The following RCOR1 variants were observed in gnomAD, a reference collection of about 807,000 sequenced individuals.
The protein encoded by RCOR1 is REST corepressor.
In RCOR1, 12 loss-of-function variants were observed where a neutral mutation model predicts 64.0. The observed-to-expected ratio is 0.19, with a 90% confidence interval of 0.12 to 0.30. The LOEUF is 0.30. Ranked by LOEUF, RCOR1 falls within the 10% of genes least tolerant of loss-of-function variation. RCOR1 has a pLI of 1.00. For missense variants in RCOR1, 502 were observed against 621.2 expected, an observed-to-expected ratio of 0.81 and a Z score of 2.04; for synonymous variants, 279 against 227.2, an observed-to-expected ratio of 1.23 and a Z score of -2.05.
In RCOR1 at chr14:102,729,199, A is replaced by C. The variant is rs1896324293; in HGVS notation, c.*2693A>C. ...ATAATAGTTTAACTTTTAGTTTAGA[A>C]CTCCTAAAAGATATAAATTGTATTG... is the stretch of plus-strand genomic sequence containing the variant. On this transcript the variant is annotated 3_prime_UTR_variant, in exon 12 of 12. Transcript: ENST00000262241. 6.6e-6 allele frequency: 1 copy of C among 152,572 alleles called. No individual in the cohort carries two copies. Among genetic ancestry groups the C allele is most frequent in the South Asian group, 2.1e-4 (1 of 4,832 alleles). 9.5% of individuals were successfully genotyped at this position (152,572 alleles called of 1,614,324 possible). A position where few individuals can be genotyped will look rare whatever the true frequency, so the allele number is the denominator to read the frequency against.
chr14:102,634,377 A>AAACC (rs574088939), intron 2 of RCOR1, among the ~76,000 whole-genome samples: 3,557 of 151,882 alleles, frequency 0.023, 152 homozygotes, highest in African/African-American at 0.082. Flanking sequence ...CCTGTCTCAA[A>AAACC]AACCAACCAA....
intron 2 of RCOR1, chr14:102,651,037 T>C: frequency 2.1e-6 from 2 of 975,406 alleles, no homozygotes. Flanking sequence ...AACTCCTAAT[T>C]CACTAGCAGC....
intron 2 of RCOR1, among the ~76,000 whole-genome samples, chr14:102,647,914 A>G (rs1894509182): frequency 1.3e-5 from 2 of 151,460 alleles, no homozygotes; most frequent in Non-Finnish European, 2.9e-5. Context: ...TCTGACCTCA[A>G]GTGAGCCGCC....
intron 2 of RCOR1, among the ~76,000 whole-genome samples, chr14:102,678,609 G>T (rs1895239475): frequency 6.6e-6 from 1 of 152,148 alleles, no homozygotes; most frequent in Non-Finnish European, 1.5e-5. Context: ...AGGTTTTATT[G>T]TGAACATATG....
At chr14:102,676,514 C>CT (rs1306287195) in intron 2 of RCOR1, among the ~76,000 whole-genome samples, 1 of 67,634 alleles carries the variant, frequency 1.5e-5, no homozygotes, top group Non-Finnish European at 2.9e-5. Context: ...CCGACCCCCC[C>CT]CCACCTCCCT....
chr14:102,713,936 T>A (rs1896011335), intron 7 of RCOR1, among the ~76,000 whole-genome samples: 1 of 152,390 alleles, frequency 6.6e-6, no homozygotes, highest in South Asian at 2.1e-4. Flanking sequence ...CTGAAAGTTT[T>A]GGTTTTACAG....
At chr14:102,610,744 C>T (rs930594718) in intron 2 of RCOR1, among the ~76,000 whole-genome samples, 6 of 151,732 alleles carry the variant, frequency 4.0e-5, no homozygotes, top group African/African-American at 1.5e-4. Context: ...TTAGTAGAGA[C>T]GAGGTTTCAC....
intron 2 of RCOR1, among the ~76,000 whole-genome samples, chr14:102,599,490 A>G (rs1204783280): frequency 1.3e-5 from 2 of 152,098 alleles, no homozygotes; most frequent in African/African-American, 4.8e-5. Flanking sequence ...TTGGTGCTTC[A>G]GAGGCGTACA....
chr14:102,707,297 C>G, intron 4 of RCOR1, 54 bp from the exon 5 acceptor site: 4 of 1,358,444 alleles, frequency 2.9e-6, no homozygotes, highest in East Asian at 2.6e-5. Context: ...GGTCTCATTT[C>G]CATTTTCATT....
intron 2 of RCOR1, among the ~76,000 whole-genome samples, chr14:102,641,672 A>G (rs1247589604): frequency 1.3e-5 from 2 of 152,192 alleles, no homozygotes; most frequent in Non-Finnish European, 2.9e-5. Context: ...TTATAGGACA[A>G]TTTGGGGAAG....
chr14:102,672,310 C>G (rs144231370), intron 2 of RCOR1, among the ~76,000 whole-genome samples: 2 of 152,014 alleles, frequency 1.3e-5, no homozygotes, highest in African/African-American at 2.4e-5. Context: ...CCTCCTGTTA[C>G]GCCATTTTCC....
intron 2 of RCOR1, among the ~76,000 whole-genome samples, chr14:102,618,234 C>T (rs1893803946): frequency 6.6e-6 from 1 of 152,036 alleles, no homozygotes. Context: ...GCCTCGGCCT[C>T]CCAAAGTGTT....
chr14:102,592,880 C>T lies in RCOR1; in HGVS notation c.-7C>T. The T allele has an allele frequency of 8.2e-7, 1 of 1,226,202 alleles. No individual in the cohort carries two copies. Among genetic ancestry groups the T allele is most frequent in the Non-Finnish European group, 1.0e-6 (1 of 981,842 alleles). The allele number at this position is 1,226,202 out of a possible 1,614,324, so 76.0% of individuals were successfully genotyped here. On this transcript the variant is annotated 5_prime_UTR_variant, in exon 1 of 12. Transcript: ENST00000262241. The stretch of plus-strand genomic sequence containing the variant: ...CCGCCACTTTCGCACGGCCCCGGCC[C>T]CCGCCGATGCCGGCCATGGTGGAGA...
chr14:102,718,053 G>A (rs1245328850), intron 8 of RCOR1, among the ~76,000 whole-genome samples: 4 of 152,156 alleles, frequency 2.6e-5, no homozygotes, highest in Non-Finnish European at 4.4e-5. Flanking sequence ...ACTAACAACA[G>A]CTTAAACAAT....
At chr14:102,617,609 T>TG (rs1491518511) in intron 2 of RCOR1, among the ~76,000 whole-genome samples, 2 of 121,326 alleles carry the variant, frequency 1.6e-5, no homozygotes, top group East Asian at 4.6e-4. Context: ...TTTTTTTTTT[T>TG]GATGGAGTCT....
At chr14:102,608,286 CT>C (rs1429797341) in intron 2 of RCOR1, among the ~76,000 whole-genome samples, 1 of 152,164 alleles carries the variant, frequency 6.6e-6, no homozygotes, top group African/African-American at 2.4e-5. Context: ...TATTCTGGAA[CT>C]TTCACGTAAA....
intron 2 of RCOR1, among the ~76,000 whole-genome samples, chr14:102,642,343 T>G (rs1191147513): frequency 6.6e-6 from 1 of 152,220 alleles, no homozygotes; most frequent in Non-Finnish European, 1.5e-5. Context: ...ATTTTAGATC[T>G]GGTTAAGATT....
At chr14:102,598,754 C>T (rs1288506471) in intron 2 of RCOR1, among the ~76,000 whole-genome samples, 2 of 152,092 alleles carry the variant, frequency 1.3e-5, no homozygotes, top group East Asian at 3.9e-4. Context: ...GGCCCTGATT[C>T]AGTTCTTATA....
At chr14:102,651,087 G>C (rs1400859407) in intron 2 of RCOR1, 1 of 984,854 alleles carries the variant, frequency 1.0e-6, no homozygotes, top group Admixed American at 6.1e-5. Context: ...TTGTTGACTA[G>C]TTAGAAGAAT....
Sources: allele counts gnomAD v4.1 joint callset (sites outside exome capture counted in the v4.1 genomes callset), GRCh38; gene constraint gnomAD v4.1.1; transcripts MANE v1.5; gene names NCBI Gene and HGNC (gene_info 2026-07-23, HGNC 2026-07-21).